Variants in CCDC22 observed in about 807,000 individuals in gnomAD.
The protein encoded by CCDC22 is coiled-coil domain-containing protein 22.
In CCDC22, 4 loss-of-function variants were observed where a neutral mutation model predicts 53.1. The ratio of observed to expected loss-of-function variants is 0.08; its 90% CI spans 0.04 to 0.17. CCDC22 has a LOEUF of 0.17. CCDC22 is among the 10% of genes least tolerant of loss of function. CCDC22 has a pLI of 1.00. For missense variants in CCDC22, 458 were observed against 554.0 expected (o/e 0.83, Z 1.74); for synonymous variants, 222 against 224.4 (o/e 0.99, Z 0.10).
At chrX:49,237,680 A>T (rs1440399169) in intron 2 of CCDC22, among the ~76,000 whole-genome samples, 1 of 110,932 alleles carries the variant, frequency 9.0e-6, no homozygotes, top group Non-Finnish European at 1.9e-5. Context: ...AGTTCCAGAA[A>T]ATACTCTGTC....
intron 2 of CCDC22, among the ~76,000 whole-genome samples, chrX:49,239,640 C>T (rs781843982): frequency 1.4e-4 from 16 of 110,547 alleles, no homozygotes; most frequent in Non-Finnish European, 2.3e-4. Context: ...CCATCCATCC[C>T]TTCGCTCTCA....
rs144622179 is a variant in CCDC22 at position 49,249,681 on chromosome X, G to A, written c.1726G>A (p.Asp576Asn). 4.6e-5 allele frequency: 56 copies of A among 1,209,023 alleles called. No homozygotes were observed. The African/African-American group carries it at 9.3e-4, about 20-fold the overall frequency. ...CAGCCAGCTCATCCAGACCATCGAG[G>A]ACACAGGCACCATCATGCGGGAGGT... is the stretch of plus-strand genomic sequence containing the variant. The part of the protein sequence containing the change: ...NCSQLIQTIE[D>N]TGTIMREVRD... Residue 576 changes from aspartate to asparagine, a missense_variant, in exon 16 of 17, where the codon GAC becomes AAC. Around this residue, in one of 4 missense-constraint regions of CCDC22, gnomAD observed 46 missense variants for 52.3 expected, o/e 0.88. Transcript: ENST00000376227.
chrX:49,236,874 C>A lies in CCDC22; in HGVS notation c.51-212C>A. 4.2e-5 allele frequency: 15 copies of A among 360,252 alleles called. No homozygotes were observed. The South Asian group carries it at 1.0e-3, about 25-fold the overall frequency. 29.7% of individuals were successfully genotyped at this position (360,252 alleles called of 1,213,427 possible). On this transcript the variant is annotated intron_variant, in intron 1 of 16. Transcript: ENST00000376227. Reference sequence around the variant, plus strand: ...CTAAACTGAGTTCTCTTCCACCCACCATTCTCCTACTCCAAGATCTTAGGA... The same window carrying A: ...CTAAACTGAGTTCTCTTCCACCCACAATTCTCCTACTCCAAGATCTTAGGA...
rs782274979 is a variant in CCDC22 at position 49,249,560 on chromosome X, C to T, written c.1687C>T (p.Leu563=). The T allele has an allele frequency of 8.7e-7, 1 of 1,147,982 alleles. No individual in the cohort carries two copies. The allele number at this position is 1,147,982 out of a possible 1,213,427, so 94.6% of individuals were successfully genotyped here. Residue 563 remains leucine (L), a synonymous_variant, in exon 15 of 17, where the codon CTG becomes TTG. Coordinates refer to ENST00000376227, the MANE Select transcript of CCDC22 (RefSeq NM_014008.5). ...GAAGGCCTATAAGTATCTAGCTGCT[C>T]TGCACGAGGTGAGGGGAGACATGTG... ...VRKAYKYLAA[L]HENCSQLIQT... is the part of the protein sequence containing the mutation.
chrX:49,242,891 T>A lies in CCDC22; in HGVS notation c.367T>A (p.Ser123Thr), dbSNP rs915761325. Residue 123 changes from serine (S) to threonine (T), a missense_variant, in exon 4 of 17, where the codon TCA becomes ACA. Ser to Thr is a moderately conservative substitution (Grantham distance 58). Around this residue, in one of 4 missense-constraint regions of CCDC22, gnomAD observed 309 missense variants for 312.3 expected, o/e 0.99. Coordinates refer to ENST00000376227, the MANE Select transcript of CCDC22 (RefSeq NM_014008.5). Reference sequence around the variant, plus strand: ...TTCCTCCCTATCCCCCATAGGTGACTCAGCTATTCTCCTCCGGGCCATTGG... The same window carrying A: ...TTCCTCCCTATCCCCCATAGGTGACACAGCTATTCTCCTCCGGGCCATTGG... ...SEDADQPAGD[S>T]AILLRAIGSQ... is the part of the protein sequence containing the mutation. 2 of 1,130,476 alleles carry A rather than the reference T, an allele frequency of 1.8e-6. No individual in the cohort carries two copies. The highest frequency in any genetic ancestry group is 4.4e-5 in the South Asian group (2 of 45,852). The allele number at this position is 1,130,476 out of a possible 1,213,427, so 93.2% of individuals were successfully genotyped here. A position where few individuals can be genotyped will look rare whatever the true frequency, so the allele number is the denominator to read the frequency against.
chrX:49,250,228 C>T lies in CCDC22; in HGVS notation c.1851C>T (p.Asn617=), dbSNP rs999703101. ...REDYRALRQE[N]AGLLGRVREA is the part of the protein sequence containing the mutation. ...ACTACCGAGCCCTCCGCCAGGAGAA[C>T]GCTGGCCTCCTAGGCCGGGTCCGGG... The change falls in exon 17 of 17, where the codon AAC becomes AAT. Residue 617 remains asparagine (N), a synonymous_variant. Transcript: ENST00000376227. 1.1e-5 allele frequency: 13 copies of T among 1,156,902 alleles called. No homozygotes were observed. The East Asian group carries it at 1.6e-4, about 14-fold the overall frequency.
rs781793208 is a variant in CCDC22 at position 49,240,047 on chromosome X, C to T, written c.229-1969C>T. Among the ~76,000 whole-genome samples, 15 of 106,873 alleles carry T rather than the reference C, an allele frequency of 1.4e-4. No individual in the cohort carries two copies. The South Asian group carries it at 3.8e-3, about 27-fold the overall frequency. 92.8% of individuals were successfully genotyped at this position (106,873 alleles called of 115,157 possible). A position where few individuals can be genotyped will look rare whatever the true frequency, so the allele number is the denominator to read the frequency against. On this transcript the variant is annotated intron_variant, in intron 2 of 16. Coordinates refer to ENST00000376227, the MANE Select transcript of CCDC22 (RefSeq NM_014008.5). Reference sequence around the variant, plus strand: ...GGAGGATCAGTTGAGCCCAGGAGCTCGAGATCAGCCTGGGCAACATAGTGA... The same window carrying T: ...GGAGGATCAGTTGAGCCCAGGAGCTTGAGATCAGCCTGGGCAACATAGTGA...
At chrX:49,235,865 GCA>G (rs1310992576) in intron 1 of CCDC22, among the ~76,000 whole-genome samples, 179 bp downstream of exon 1, 1 of 41,795 alleles carries the variant, frequency 2.4e-5, no homozygotes, top group Non-Finnish European at 5.3e-5. Context: ...ACACACACAC[GCA>G]CACACACACC....
Position 49,243,101 on chromosome X carries a change from G to C in CCDC22, c.469-17G>C, listed in dbSNP as rs1557113620. On this transcript the variant is annotated splice_polypyrimidine_tract_variant and intron_variant, in intron 4 of 16. Coordinates refer to ENST00000376227, the MANE Select transcript of CCDC22 (RefSeq NM_014008.5). Reference sequence around the variant, plus strand: ...TCCCACTTCACCCTGGAGATTCTGAGCCTGCTCTCCCACCAGGGCTCGGCC... The same window carrying C: ...TCCCACTTCACCCTGGAGATTCTGACCCTGCTCTCCCACCAGGGCTCGGCC... The C allele has an allele frequency of 1.7e-6, 2 of 1,205,366 alleles. No individual in the cohort carries two copies. Among genetic ancestry groups the C allele is most frequent in the East Asian group, 3.0e-5 (1 of 33,751 alleles).
Position 49,235,861 on chromosome X carries a change from A to ACACACACACACACACG in CCDC22, c.50+178_50+179insACACACACACACGCAC, listed in dbSNP as rs1317193784. 3.4e-3 allele frequency among the ~76,000 whole-genome samples: 364 copies of ACACACACACACACACG among 105,771 alleles called. 4 individuals carry two copies. Among genetic ancestry groups the ACACACACACACACACG allele is most frequent in the African/African-American group, 0.012 (353 of 28,433 alleles). 91.8% of individuals were successfully genotyped at this position (105,771 alleles called of 115,157 possible). A position where few individuals can be genotyped will look rare whatever the true frequency, so the allele number is the denominator to read the frequency against. On this transcript the variant is annotated intron_variant, in intron 1 of 16. Coordinates refer to ENST00000376227, the MANE Select transcript of CCDC22 (RefSeq NM_014008.5). ...CACACACACACACACACACACACAC[A>ACACACACACACACACG]CACGCACACACACACCGCCCTCCCT... is the stretch of plus-strand genomic sequence containing the variant.
chrX:49,249,328 T>C (rs2066010754), intron 14 of CCDC22, 66 bp downstream of exon 14: 3 of 979,859 alleles, frequency 3.1e-6, no homozygotes, highest in African/African-American at 3.8e-5. Flanking sequence ...CATCTGCTAA[T>C]TGGCTGGCTG....
rs2147932774 is a variant in CCDC22 at position 49,235,530 on chromosome X, C to A, written c.-107C>A. On this transcript the variant is annotated 5_prime_UTR_variant, in exon 1 of 17. Coordinates refer to ENST00000376227, the MANE Select transcript of CCDC22 (RefSeq NM_014008.5). ...CACTTTCCAACTCTCCCCACACGACCCGTGACACTCTGTGGACCGCGAGCA... is the reference window on the plus strand; with the variant it reads ...CACTTTCCAACTCTCCCCACACGACACGTGACACTCTGTGGACCGCGAGCA... The A allele has an allele frequency of 2.7e-6, 2 of 734,609 alleles. No homozygotes were observed. Among genetic ancestry groups the A allele is most frequent in the African/African-American group, 2.1e-5 (1 of 47,493 alleles). 60.5% of individuals were successfully genotyped at this position (734,609 alleles called of 1,213,427 possible). A position where few individuals can be genotyped will look rare whatever the true frequency, so the allele number is the denominator to read the frequency against.
intron 6 of CCDC22, among the ~76,000 whole-genome samples, chrX:49,244,931 G>A (rs2065981960): frequency 1.8e-5 from 2 of 108,942 alleles, no homozygotes; most frequent in Non-Finnish European, 3.8e-5. Flanking sequence ...CTTCCCCTCT[G>A]TCCACTTATC....
In CCDC22 at chrX:49,242,382, C is replaced by T. The variant is rs1022741346; in HGVS notation, c.361+234C>T. ...GTGCGTTGGTGCGGGGAGGGGCCTCCCTGACTCAACCCCTGTGCCCTCCCT... is the reference window on the plus strand; with the variant it reads ...GTGCGTTGGTGCGGGGAGGGGCCTCTCTGACTCAACCCCTGTGCCCTCCCT... On this transcript the variant is annotated intron_variant, in intron 3 of 16. Coordinates refer to ENST00000376227, the MANE Select transcript of CCDC22 (RefSeq NM_014008.5). 30 of 717,719 alleles carry T rather than the reference C, an allele frequency of 4.2e-5. No homozygotes were observed. In the African/African-American group the frequency reaches 6.9e-4, roughly 16 times the overall value. The allele number at this position is 717,719 out of a possible 1,213,427, so 59.1% of individuals were successfully genotyped here. A position where few individuals can be genotyped will look rare whatever the true frequency, so the allele number is the denominator to read the frequency against.
intron 16 of CCDC22, 138 bp from the exon 17 acceptor site, chrX:49,250,010 C>T (rs1323883348): frequency 1.7e-5 from 8 of 477,365 alleles, no homozygotes; most frequent in African/African-American, 4.8e-5. Flanking sequence ...GGGAACACCA[C>T]ACGAGGCCTG....
At chrX:49,244,653 C>G (rs1267916621) in intron 6 of CCDC22, among the ~76,000 whole-genome samples, 1 of 111,182 alleles carries the variant, frequency 9.0e-6, no homozygotes, top group African/African-American at 3.3e-5. Flanking sequence ...CTCAAATTCC[C>G]GGGCTCAAGC....
intron 2 of CCDC22, among the ~76,000 whole-genome samples, chrX:49,239,039 A>G (rs1454081680): frequency 9.0e-6 from 1 of 110,713 alleles, no homozygotes; most frequent in Non-Finnish European, 1.9e-5. Context: ...GCAGTGGCAC[A>G]ATCTCGGCTT....
intron 16 of CCDC22, 90 bp from the exon 17 acceptor site, chrX:49,250,058 G>A: frequency 1.8e-6 from 1 of 551,386 alleles, no homozygotes; most frequent in Non-Finnish European, 3.1e-6. Flanking sequence ...TTGGTGGGAG[G>A]GGCCCAGAGT....
At chrX:49,240,526 C>T (rs782390697) in intron 2 of CCDC22, among the ~76,000 whole-genome samples, 1 of 111,852 alleles carries the variant, frequency 8.9e-6, no homozygotes, top group South Asian at 3.7e-4. Flanking sequence ...TGCACTCCAG[C>T]CTGAGCGACA....
Sources: allele counts gnomAD v4.1 joint callset (sites outside exome capture counted in the v4.1 genomes callset), GRCh38; gene constraint gnomAD v4.1.1; regional missense constraint gnomAD v4.1.1; transcripts MANE v1.5; gene names NCBI Gene and HGNC (gene_info 2026-07-23, HGNC 2026-07-21).